Variants in FSD1L observed in about 807,000 individuals in gnomAD.
FSD1L encodes the protein FSD1-like protein.
FSD1L carries 45 observed loss-of-function variants against 71.6 expected under a neutral mutation model. The ratio of observed to expected loss-of-function variants is 0.63; its 90% confidence interval spans 0.49 to 0.81. The LOEUF (loss-of-function observed/expected upper bound fraction) is 0.81, where lower values mean the gene tolerates loss of function less well. FSD1L is among the 30% of genes least tolerant of loss of function. FSD1L has a pLI of 0.00. For missense variants in FSD1L, 561 were observed against 618.1 expected, an observed-to-expected ratio of 0.91 and a Z score of 0.98; for synonymous variants, 197 against 207.2, an observed-to-expected ratio of 0.95 and a Z score of 0.42.
chr9:105,481,538 A>G (rs1832205524), intron 6 of FSD1L, among the ~76,000 whole-genome samples: 1 of 151,608 alleles, frequency 6.6e-6, no homozygotes, highest in South Asian at 2.1e-4. Flanking sequence ...TGATCTGCCC[A>G]CTTCGGCCTC....
intron 4 of FSD1L, among the ~76,000 whole-genome samples, chr9:105,471,583 G>A (rs1437547513): frequency 6.6e-6 from 1 of 151,706 alleles, no homozygotes; most frequent in Non-Finnish European, 1.5e-5. Flanking sequence ...ACTAAGCTTC[G>A]CTTAGGTCCC....
intron 3 of FSD1L, among the ~76,000 whole-genome samples, chr9:105,464,675 A>C (rs1353714917): frequency 1.3e-5 from 2 of 152,172 alleles, no homozygotes; most frequent in African/African-American, 4.8e-5. Context: ...AATAAACAAT[A>C]GAAGAAAAAT....
intron 4 of FSD1L, among the ~76,000 whole-genome samples, chr9:105,471,606 A>G (rs1217955695): frequency 1.3e-5 from 2 of 151,786 alleles, no homozygotes; most frequent in East Asian, 1.9e-4. Flanking sequence ...TTTGTTTTAA[A>G]TGATGAGTGT....
intron 8 of FSD1L, among the ~76,000 whole-genome samples, chr9:105,507,198 C>T (rs1410836): frequency 0.95 from 144,756 of 152,354 alleles, 68,840 homozygotes; most frequent in East Asian, 1. Context: ...TTTACTGTTT[C>T]AAGATTACCT....
rs753244834 is a variant in FSD1L, at chr9:105,495,969, TAAA to T, written c.587-10416_587-10414del. 9.2e-3 allele frequency among the ~76,000 whole-genome samples: 1,244 copies of T among 135,030 alleles called. 19 individuals carry two copies. Among genetic ancestry groups the T allele is most frequent in the African/African-American group, 0.032 (1,174 of 36,332 alleles). 88.6% of individuals were successfully genotyped at this position (135,030 alleles called of 152,430 possible). On this transcript the variant is annotated intron_variant, in intron 7 of 13. Transcript: ENST00000481272. Reference sequence around the variant, plus strand: ...CCTGGCAGCAGAGTGAGACTCCATCTAAAAAAAAAAAAAAAAGAAAAGGAATTC... The same window carrying T: ...CCTGGCAGCAGAGTGAGACTCCATCTAAAAAAAAAAAAAGAAAAGGAATTC...
At chr9:105,445,377 T>G (rs1829620988), upstream of FSD1L, among the ~76,000 whole-genome samples, 1 of 152,058 alleles carries the variant, frequency 6.6e-6, no homozygotes, top group South Asian at 2.1e-4. Context: ...GGAAAGAACT[T>G]GGGAAGCTGG....
At chr9:105,478,703 T>C (rs2131678564) in intron 5 of FSD1L, among the ~76,000 whole-genome samples, 1 of 152,306 alleles carries the variant, frequency 6.6e-6, no homozygotes, top group East Asian at 1.9e-4. Context: ...TATATATAGG[T>C]TTAAGTTGGT....
intron 13 of FSD1L, among the ~76,000 whole-genome samples, chr9:105,543,797 GTA>G (rs1396751602): frequency 6.6e-6 from 1 of 152,156 alleles, no homozygotes; most frequent in Non-Finnish European, 1.5e-5. Flanking sequence ...ATTCCCTGGT[GTA>G]TATGTGCCAC....
chr9:105,509,498 G>T (rs1346897007), intron 9 of FSD1L, among the ~76,000 whole-genome samples: 1 of 152,116 alleles, frequency 6.6e-6, no homozygotes, highest in African/African-American at 2.4e-5. Context: ...GTTATTGACT[G>T]GGTTTAATTC....
In FSD1L at chr9:105,524,867, C is replaced by T. The variant is rs894061601; in HGVS notation, c.1026-9626C>T. 5.1e-6 allele frequency: 8 copies of T among 1,570,300 alleles called. No individual in the cohort carries two copies. The African/African-American group carries it at 8.1e-5, about 16-fold the overall frequency. ...CAAGTCAGGTGTGTGAAAATCACGA[C>T]AATCATTACAGTGAAAGTACTGAAC... On this transcript the variant is annotated intron_variant, in intron 10 of 13. Transcript: ENST00000481272.
At chr9:105,523,789 G>C (rs1835333975) in intron 10 of FSD1L, 1 of 1,598,244 alleles carries the variant, frequency 6.3e-7, no homozygotes, top group South Asian at 1.1e-5. Context: ...ATGCATTGTG[G>C]ATTACTTCAT....
intron 6 of FSD1L, among the ~76,000 whole-genome samples, chr9:105,482,346 T>A (rs1372215859): frequency 6.6e-6 from 1 of 152,196 alleles, no homozygotes; most frequent in Non-Finnish European, 1.5e-5. Context: ...TGAGGTATAT[T>A]GCAGGAGTTA....
intron 2 of FSD1L, among the ~76,000 whole-genome samples, chr9:105,463,572 T>C (rs1588933809): frequency 6.6e-6 from 1 of 152,284 alleles, no homozygotes; most frequent in Middle Eastern, 3.4e-3. Flanking sequence ...GCTACCATAT[T>C]GGGCAGCACA....
chr9:105,457,639 C>T (rs138688748), intron 1 of FSD1L, among the ~76,000 whole-genome samples: 2 of 152,370 alleles, frequency 1.3e-5, no homozygotes, highest in African/African-American at 2.4e-5. Flanking sequence ...GGCAGTGTCT[C>T]TCCTTGAGTT....
intron 7 of FSD1L, among the ~76,000 whole-genome samples, chr9:105,495,799 ACCT>A (rs970520084): frequency 6.6e-6 from 1 of 151,962 alleles, no homozygotes; most frequent in African/African-American, 2.4e-5. Context: ...ACATGGTGAA[ACCT>A]CCTCTGTACT....
chr9:105,487,268 G>A (rs1053657855), intron 7 of FSD1L, among the ~76,000 whole-genome samples: 1 of 152,004 alleles, frequency 6.6e-6, no homozygotes, highest in Non-Finnish European at 1.5e-5. Context: ...GCAGAGAGGT[G>A]CCACTATCTC....
At chr9:105,524,376 A>C in intron 10 of FSD1L, 1 of 1,613,988 alleles carries the variant, frequency 6.2e-7, no homozygotes, top group South Asian at 1.1e-5. Flanking sequence ...TCTTTTACCA[A>C]GTACAGAGGC....
intron 11 of FSD1L, 25 bp downstream of exon 11, chr9:105,534,618 C>T: frequency 7.5e-7 from 1 of 1,329,452 alleles, no homozygotes; most frequent in South Asian, 1.3e-5. Flanking sequence ...AATTGTTTTT[C>T]ATTATCTCAG....
upstream of FSD1L, chr9:105,448,016 TC>T (rs959377242): frequency 6.7e-6 from 4 of 599,570 alleles, no homozygotes; most frequent in African/African-American, 7.9e-5. Context: ...CCTCAGCCCC[TC>T]CCTTCTGCGG....
Sources: allele counts gnomAD v4.1 joint callset (sites outside exome capture counted in the v4.1 genomes callset), GRCh38; gene constraint gnomAD v4.1.1; transcripts MANE v1.5; gene names NCBI Gene and HGNC (gene_info 2026-07-23, HGNC 2026-07-21).